The following GALNT13 variants were observed in gnomAD, a reference collection of about 807,000 sequenced individuals.
GALNT13 encodes the protein UDP-GalNAc:polypeptide N-acetylgalactosaminyltransferase 13.
A neutral mutation model predicts 64.2 loss-of-function variants in GALNT13; 28 were observed. The observed-to-expected ratio is 0.44, with a 90% CI of 0.32 to 0.60. The LOEUF is 0.60. Ranked by LOEUF, GALNT13 falls within the 20% of genes least tolerant of loss-of-function variation. The probability of loss-of-function intolerance (pLI) is 0.05; values close to 1 mark genes in which losing one functional copy is unlikely to be tolerated. For synonymous variants in GALNT13, 214 were observed against 224.6 expected, an observed-to-expected ratio of 0.95 and a Z score of 0.42; for missense variants, 577 against 669.8, an observed-to-expected ratio of 0.86 and a Z score of 1.53.
chr2:153,650,659 G>C, the GALNT13 span, among the ~76,000 whole-genome samples: 9 of 152,052 alleles, frequency 5.9e-5, no homozygotes, highest in African/African-American at 1.4e-4. Flanking sequence ...GGGCAGGCCT[G>C]GTGGTGACAA....
chr2:153,552,572 CTTCTTTTTTT>C, the GALNT13 span, among the ~76,000 whole-genome samples: 1 of 93,878 alleles, frequency 1.1e-5, no homozygotes, highest in Non-Finnish European at 2.1e-5. Context: ...CCTGCTTCTT[CTTCTTTTTTT>C]TTTTTTTTTT....
chr2:153,659,689 T>G, the GALNT13 span, among the ~76,000 whole-genome samples: 2 of 152,126 alleles, frequency 1.3e-5, no homozygotes, highest in Non-Finnish European at 1.5e-5. Flanking sequence ...TGCAATCACA[T>G]GCAAAGAAAG....
the GALNT13 span, among the ~76,000 whole-genome samples, chr2:153,292,437 C>T: frequency 6.6e-6 from 1 of 152,044 alleles, no homozygotes; most frequent in Non-Finnish European, 1.5e-5. Flanking sequence ...CACGAAAAGT[C>T]AAGACAGTGG....
chr2:154,031,518 A>G (rs954881615), intron 3 of GALNT13, among the ~76,000 whole-genome samples: 2 of 152,084 alleles, frequency 1.3e-5, no homozygotes, highest in Admixed American at 1.3e-4. Context: ...CAAGAAACCC[A>G]CTTAATGTGT....
At chr2:154,105,425 T>A (rs1307512411) in intron 3 of GALNT13, among the ~76,000 whole-genome samples, 1 of 152,198 alleles carries the variant, frequency 6.6e-6, no homozygotes, top group Admixed American at 6.5e-5. Flanking sequence ...TATACATAAA[T>A]GCCATTTCTT....
chr2:153,687,482 G>A, the GALNT13 span, among the ~76,000 whole-genome samples: 1 of 151,998 alleles, frequency 6.6e-6, no homozygotes, highest in East Asian at 1.9e-4. Context: ...TGTGGAGTCA[G>A]TGGTAATATC....
chr2:153,867,514 C>T (rs1251086501), upstream of GALNT13, among the ~76,000 whole-genome samples: 1 of 151,974 alleles, frequency 6.6e-6, no homozygotes, highest in Non-Finnish European at 1.5e-5. Flanking sequence ...ATTTTTGGCC[C>T]CAGGGACCAG....
the GALNT13 span, among the ~76,000 whole-genome samples, chr2:153,383,417 G>A: frequency 6.6e-6 from 1 of 151,958 alleles, no homozygotes; most frequent in Non-Finnish European, 1.5e-5. Flanking sequence ...CATTGGTTTT[G>A]AGAATGTTTT....
the GALNT13 span, among the ~76,000 whole-genome samples, chr2:153,866,167 G>A: frequency 4.3e-5 from 5 of 115,238 alleles, no homozygotes; most frequent in Non-Finnish European, 9.0e-5. Context: ...GTTGTGGGGT[G>A]GGGGGAGGGG....
the GALNT13 span, among the ~76,000 whole-genome samples, chr2:153,453,851 G>T: frequency 6.6e-6 from 1 of 152,128 alleles, no homozygotes; most frequent in Non-Finnish European, 1.5e-5. Context: ...CAATAACAAA[G>T]ACGTAGAACC....
intron 2 of GALNT13, among the ~76,000 whole-genome samples, chr2:153,906,015 A>G (rs1448763414): frequency 1.3e-5 from 2 of 152,054 alleles, no homozygotes; most frequent in Non-Finnish European, 1.5e-5. Context: ...AATTTCATCA[A>G]GCTACACAGA....
At chr2:153,518,077 C>G in the GALNT13 span, among the ~76,000 whole-genome samples, 1 of 152,146 alleles carries the variant, frequency 6.6e-6, no homozygotes, top group African/African-American at 2.4e-5. Flanking sequence ...GACAGTCACA[C>G]ATTTTCTTCT....
downstream of GALNT13, among the ~76,000 whole-genome samples, chr2:154,454,806 A>G (rs1262396285): frequency 2.0e-5 from 3 of 152,212 alleles, no homozygotes; most frequent in Non-Finnish European, 4.4e-5. Flanking sequence ...TCCAAGCATC[A>G]TTTGGCAAAC....
the GALNT13 span, among the ~76,000 whole-genome samples, chr2:153,123,449 C>A: frequency 6.6e-6 from 1 of 152,070 alleles, no homozygotes. Context: ...GACCCAGAAA[C>A]AAGTAAAGGA....
chr2:153,272,904 G>A, the GALNT13 span, among the ~76,000 whole-genome samples: 22 of 152,248 alleles, frequency 1.4e-4, no homozygotes, highest in African/African-American at 5.1e-4. Context: ...AAGAAAATGT[G>A]GCACATATAC....
the GALNT13 span, among the ~76,000 whole-genome samples, chr2:153,356,261 T>C: frequency 1.3e-5 from 2 of 152,186 alleles, no homozygotes; most frequent in South Asian, 2.1e-4. Context: ...AAAATTTCCA[T>C]TGATATGTAG....
chr2:153,339,842 A>G, the GALNT13 span, among the ~76,000 whole-genome samples: 1 of 152,184 alleles, frequency 6.6e-6, no homozygotes, highest in East Asian at 1.9e-4. Context: ...TTCCAGTACC[A>G]GTTATTGAAG....
intron 2 of GALNT13, among the ~76,000 whole-genome samples, chr2:153,901,570 T>A (rs538901810): frequency 2.0e-4 from 30 of 152,230 alleles, no homozygotes; most frequent in African/African-American, 6.7e-4. Context: ...TGGGGGTTAC[T>A]GTGAGTGGGA....
chr2:153,975,069 A>G (rs1204230174), intron 3 of GALNT13, among the ~76,000 whole-genome samples: 1 of 152,082 alleles, frequency 6.6e-6, no homozygotes, highest in Non-Finnish European at 1.5e-5. Flanking sequence ...TTGGGTATAA[A>G]TAAGCAAATT....
Sources: gnomAD v4.1 joint callset for allele counts (sites outside exome capture counted in the v4.1 genomes callset) on GRCh38, gnomAD v4.1.1 for gene constraint, MANE v1.5 for transcripts, NCBI Gene and HGNC (gene_info 2026-07-23, HGNC 2026-07-21) for gene names.